The following PCDHA11 variants were observed in gnomAD, a reference collection of about 807,000 sequenced individuals.
PCDHA11 encodes protocadherin alpha-11.
PCDHA11 carries 61 observed loss-of-function variants against 70.3 expected under a neutral mutation model. The ratio of observed to expected loss-of-function variants is 0.87; its 90% confidence interval spans 0.71 to 1.07. The LOEUF is 1.07. Among genes scored for constraint, PCDHA11 ranks in the 50% least tolerant of loss-of-function variants. The pLI is 0.00. For synonymous variants in PCDHA11, 633 were observed against 555.1 expected, an observed-to-expected ratio of 1.14 and a Z score of -1.97; for missense variants, 1,324 against 1,237.5, an observed-to-expected ratio of 1.07 and a Z score of -1.05.
At chr5:140,876,955 G>C in intron 1 of PCDHA11, 1 of 1,613,390 alleles carries the variant, frequency 6.2e-7, no homozygotes, top group Admixed American at 1.7e-5. Flanking sequence ...CTACTCGCTG[G>C]TGGAGCGGCG....
At position 140,969,614 on chromosome 5, in the gene PCDHA11, T is replaced by G. The variant is rs56144348; in HGVS notation, c.2392-9335T>G. The G allele has an allele frequency of 1.3e-3, 977 of 725,126 alleles. 8 individuals are homozygous for G. In the African/African-American group the frequency reaches 0.016, roughly 12 times the overall value. 44.9% of individuals were successfully genotyped at this position (725,126 alleles called of 1,614,324 possible). A position where few individuals can be genotyped will look rare whatever the true frequency, so the allele number is the denominator to read the frequency against. ...AATATTTAATGCTAAAACACAGATT[T>G]GTAGAGAAACAGGACAGGCCTTGGA... On this transcript the variant is annotated intron_variant, in intron 1 of 3. Transcript: ENST00000398640.
At chr5:141,007,613 T>C (rs1351675120) in intron 3 of PCDHA11, among the ~76,000 whole-genome samples, 1 of 152,056 alleles carries the variant, frequency 6.6e-6, no homozygotes, top group Non-Finnish European at 1.5e-5. Context: ...GAAGCAGATA[T>C]AGGAGAGGTC....
intron 1 of PCDHA11, among the ~76,000 whole-genome samples, chr5:140,961,983 A>C (rs941028423): frequency 1.3e-5 from 2 of 151,532 alleles, no homozygotes; most frequent in Non-Finnish European, 2.9e-5. Context: ...TCCTGGGTTC[A>C]CGCCATTGTC....
chr5:140,887,245 C>T (rs1200820177), intron 1 of PCDHA11, among the ~76,000 whole-genome samples: 2 of 151,924 alleles, frequency 1.3e-5, no homozygotes, highest in East Asian at 1.9e-4. Context: ...TACCGGCGCC[C>T]GCCACCACGC....
At chr5:140,875,056 G>C (rs1554167464) in intron 1 of PCDHA11, among the ~76,000 whole-genome samples, 1 of 152,176 alleles carries the variant, frequency 6.6e-6, no homozygotes, top group Non-Finnish European at 1.5e-5. Context: ...CTTTGAAGCA[G>C]AAAACATTTT....
At chr5:140,940,508 G>A (rs1171264265) in intron 1 of PCDHA11, among the ~76,000 whole-genome samples, 2 of 151,902 alleles carry the variant, frequency 1.3e-5, no homozygotes, top group African/African-American at 4.8e-5. Context: ...CGTCGCTCAG[G>A]CGTGATCATA....
chr5:140,899,833 G>T (rs2067579431), intron 1 of PCDHA11, among the ~76,000 whole-genome samples: 1 of 152,094 alleles, frequency 6.6e-6, no homozygotes, highest in African/African-American at 2.4e-5. Flanking sequence ...TTTTGAGACA[G>T]GTCTTGCTGT....
intron 1 of PCDHA11, among the ~76,000 whole-genome samples, chr5:140,978,417 A>G (rs2096800848): frequency 6.6e-6 from 1 of 152,158 alleles, no homozygotes. Context: ...CAGAAAAGAG[A>G]CTGTTATCAG....
chr5:141,004,608 T>A (rs2153981502), intron 3 of PCDHA11, among the ~76,000 whole-genome samples: 1 of 152,348 alleles, frequency 6.6e-6, no homozygotes, highest in African/African-American at 2.4e-5. Flanking sequence ...TTAGGCCTCA[T>A]GCAGAGTCCT....
chr5:140,989,609 T>C (rs782186182), intron 3 of PCDHA11, among the ~76,000 whole-genome samples: 4 of 152,178 alleles, frequency 2.6e-5, no homozygotes, highest in Non-Finnish European at 5.9e-5. Flanking sequence ...AAACTAAAAA[T>C]GAAAGTCTGT....
chr5:140,877,076 T>G, intron 1 of PCDHA11: 1 of 1,613,022 alleles, frequency 6.2e-7, no homozygotes, highest in Non-Finnish European at 8.5e-7. Context: ...CAGTTCCAGG[T>G]GAGCGCGCGC....
chr5:140,869,320 G>T lies in PCDHA11; in HGVS notation c.217G>T (p.Asp73Tyr). 6.2e-7 allele frequency: 1 copy of T among 1,613,846 alleles called. No homozygotes were observed. The highest frequency in any genetic ancestry group is 8.5e-7 in the Non-Finnish European group (1 of 1,180,012). ...CCGGGTGGCGTCCAAAACACATGGG[G>T]ACCTTCTGGAGGTAAATCTGCAGAA... is the stretch of plus-strand genomic sequence containing the variant. ...LFRVASKTHG[D>Y]LLEVNLQNGI... The change falls in exon 1 of 4, where the codon GAC becomes TAC. Residue 73 changes from aspartate to tyrosine, a missense_variant. Transcript: ENST00000398640.
chr5:140,869,297 G>T lies in PCDHA11; in HGVS notation c.194G>T (p.Arg65Leu). 3.7e-6 allele frequency: 6 copies of T among 1,613,580 alleles called. No homozygotes were observed. The highest frequency in any genetic ancestry group is 1.1e-5 in the South Asian group (1 of 91,050). The change falls in exon 1 of 4, where the codon CGG becomes CTG. Residue 65 changes from arginine (R) to leucine (L), a missense_variant. Physicochemically the swap from Arg to Leu is moderately radical, Grantham distance 102. Transcript: ENST00000398640. ...GCGGAGCTGGTGCAGCGCCTGTTCC[G>T]GGTGGCGTCCAAAACACATGGGGAC... Reference protein sequence around the residue: ...ELAELVQRLFRVASKTHGDLL... With the variant: ...ELAELVQRLFLVASKTHGDLL...
chr5:140,955,976 G>A (rs2095244273), intron 1 of PCDHA11, among the ~76,000 whole-genome samples: 1 of 152,180 alleles, frequency 6.6e-6, no homozygotes, highest in South Asian at 2.1e-4. Flanking sequence ...AGGAATGCTA[G>A]CAATTTTTGC....
rs1315666503 is a variant in PCDHA11, at chr5:140,869,380, G to A, written c.277G>A (p.Glu93Lys). ...GTTTGTGAATTCTCGGATCGACCGC[G>A]AGGAGCTGTGCGGGCAGAGCGCGGA... ...ILFVNSRIDR[E>K]ELCGQSAECS... The change falls in exon 1 of 4, where the codon GAG (glutamate) becomes AAG (lysine). Residue 93 changes from glutamate to lysine, a missense_variant. Physicochemically the swap from Glu to Lys is moderately conservative, Grantham distance 56. Coordinates refer to ENST00000398640, the MANE Select transcript of PCDHA11 (RefSeq NM_018902.5). 1 of 1,614,046 alleles carries A rather than the reference G, an allele frequency of 6.2e-7. No homozygotes were observed. The highest frequency in any genetic ancestry group is 1.3e-5 in the African/African-American group (1 of 74,942).
chr5:140,925,640 G>GAA (rs1554202829), intron 1 of PCDHA11, among the ~76,000 whole-genome samples: 1 of 75,086 alleles, frequency 1.3e-5, no homozygotes, highest in Non-Finnish European at 2.8e-5. Context: ...AGAACTTAAA[G>GAA]TATAATAATA....
chr5:140,928,262 A>G, intron 1 of PCDHA11: 1 of 1,614,214 alleles, frequency 6.2e-7, no homozygotes, highest in Non-Finnish European at 8.5e-7. Flanking sequence ...GTTGCTGAAA[A>G]CAATGGCCCT....
chr5:140,942,497 G>A (rs189402882), intron 1 of PCDHA11, among the ~76,000 whole-genome samples: 1 of 152,040 alleles, frequency 6.6e-6, no homozygotes, highest in Admixed American at 6.6e-5. Context: ...TAAATACATG[G>A]TATCTAGGAA....
chr5:140,898,506 G>A (rs1185053384), intron 1 of PCDHA11, among the ~76,000 whole-genome samples: 2 of 152,132 alleles, frequency 1.3e-5, no homozygotes, highest in Admixed American at 1.3e-4. Context: ...TTGTAGATAT[G>A]CGGCGTTATT....
Sources: allele counts gnomAD v4.1 joint callset (sites outside exome capture counted in the v4.1 genomes callset), GRCh38; gene constraint gnomAD v4.1.1; transcripts MANE v1.5; gene names NCBI Gene and HGNC (gene_info 2026-07-23, HGNC 2026-07-21).